The following MUC5B variants were observed in gnomAD, a reference collection of about 807,000 sequenced individuals.
MUC5B encodes mucin-5B.
A neutral mutation model predicts 376.9 loss-of-function variants in MUC5B; 116 were observed. The ratio of observed to expected loss-of-function variants is 0.31; its 90% CI spans 0.26 to 0.36. The LOEUF is 0.36. Among genes scored for constraint, MUC5B ranks in the 10% least tolerant of loss-of-function variants. MUC5B has a pLI of 1.00. For missense variants in MUC5B, 7,165 were observed against 7,769.9 expected (o/e 0.92, Z 2.93); for synonymous variants, 3,517 against 3,390.9 (o/e 1.04, Z -1.29).
At position 1,248,633 on chromosome 11, in the gene MUC5B, T is replaced by G. The variant is rs758690576; in HGVS notation, c.11753T>G (p.Val3918Gly). 2.0e-5 allele frequency: 32 copies of G among 1,611,118 alleles called. No individual in the cohort carries two copies. In the East Asian group the frequency reaches 2.9e-4, roughly 15 times the overall value. ...CCGGGGACCACCCACACCCCCACAG[T>G]GCTGACCACCACCACCACAACTGTG... ...SVPGTTHTPT[V>G]LTTTTTTVAT... The change falls in exon 31 of 49, where the codon GTG (valine) becomes GGG (glycine). Residue 3918 changes from valine to glycine, a missense_variant. Coordinates refer to ENST00000529681, the MANE Select transcript of MUC5B (RefSeq NM_002458.3).
At position 1,247,388 on chromosome 11, in the gene MUC5B, A is replaced by G. The variant is rs748237546; in HGVS notation, c.10508A>G (p.Gln3503Arg). The G allele has an allele frequency of 6.2e-7, 1 of 1,609,452 alleles. No homozygotes were observed. The highest frequency in any genetic ancestry group is 1.3e-5 in the African/African-American group (1 of 74,238). Residue 3503 changes from glutamine to arginine, a missense_variant, in exon 31 of 49, where the codon CAG becomes CGG. This residue lies in a region of MUC5B where 939 missense variants were observed against 770.6 expected (regional missense o/e 1.22). Coordinates refer to ENST00000529681, the MANE Select transcript of MUC5B (RefSeq NM_002458.3). Reference sequence around the variant, plus strand: ...CCAGCAGCAACCACCAGTACCACCCAGCACTCGACTCCAGCCCTGTCCAGC... The same window carrying G: ...CCAGCAGCAACCACCAGTACCACCCGGCACTCGACTCCAGCCCTGTCCAGC... ...HTPAATTSTT[Q>R]HSTPALSSPH...
rs758002481 is a variant in MUC5B, at chr11:1,241,746, C to T, written c.4866C>T (p.Thr1622=). The T allele has an allele frequency of 1.9e-5, 31 of 1,612,356 alleles. No individual in the cohort carries two copies. The South Asian group carries it at 3.2e-4, about 17-fold the overall frequency. Residue 1622 remains threonine (T), a synonymous_variant, in exon 31 of 49, where the codon ACC becomes ACT. Transcript: ENST00000529681. ...PTTELETATT[T]TTQALFSTPQ... ...CAGAGCTGGAGACGGCCACCACCAC[C>T]ACCACCCAGGCCCTGTTCTCAACGC...
At position 1,242,144 on chromosome 11, in the gene MUC5B, C is replaced by T. The variant is rs369056309; in HGVS notation, c.5264C>T (p.Thr1755Ile). Residue 1755 changes from threonine to isoleucine, a missense_variant, in exon 31 of 49, where the codon ACC (threonine) becomes ATC (isoleucine). Physicochemically the swap from Thr to Ile is moderately conservative, Grantham distance 89 (BLOSUM62 -1). Transcript: ENST00000529681. ...LAPTLTSELSTSQAETSTPRT... is the reference protein window; with the variant it reads ...LAPTLTSELSISQAETSTPRT... ...CCAACACTCACGAGCGAGCTGTCCA[C>T]CTCTCAGGCCGAGACCAGCACGCCC... 1.7e-5 allele frequency: 27 copies of T among 1,613,484 alleles called. No individual in the cohort carries two copies. Among genetic ancestry groups the T allele is most frequent in the Non-Finnish European group, 2.2e-5 (26 of 1,179,874 alleles).
chr11:1,260,530 G>A, intron 47 of MUC5B, 96 bp from the exon 48 acceptor site: 1 of 1,458,544 alleles, frequency 6.9e-7, no homozygotes, highest in Non-Finnish European at 9.5e-7. Flanking sequence ...GGAGGGCCAT[G>A]GGAGGGGTGG....
rs1242088325 is a variant in MUC5B, at chr11:1,231,411, C to T, written c.1541-12C>T. ...GCACCCCTGACCGGCCTCTCCCCCA[C>T]ACTCCCGGCAGCCAACATCACCCTG... On this transcript the variant is annotated splice_polypyrimidine_tract_variant and intron_variant, in intron 13 of 48. Coordinates refer to ENST00000529681, the MANE Select transcript of MUC5B (RefSeq NM_002458.3). The T allele has an allele frequency of 3.7e-6, 6 of 1,603,826 alleles. No individual in the cohort carries two copies. Among genetic ancestry groups the T allele is most frequent in the African/African-American group, 1.3e-5 (1 of 74,776 alleles).
intron 27 of MUC5B, 76 bp from the exon 28 acceptor site, chr11:1,239,723 T>C (rs1389311856): frequency 2.6e-6 from 4 of 1,517,384 alleles, no homozygotes; most frequent in East Asian, 2.4e-5. Context: ...GGGCGGCTAC[T>C]CCCTGCAGCA....
At position 1,245,540 on chromosome 11, in the gene MUC5B, T is replaced by C. The variant is rs1358924689; in HGVS notation, c.8660T>C (p.Met2887Thr). Residue 2887 changes from methionine to threonine, a missense_variant, in exon 31 of 49, where the codon ATG becomes ACG. Met to Thr is a moderately conservative substitution (Grantham distance 81, BLOSUM62 -1). This residue lies in a region of MUC5B where 57 missense variants were observed against 167.2 expected (regional missense o/e 0.34). Transcript: ENST00000529681. ...GAGTGGCTGGACTACAGCTACCCCA[T>C]GCCGGGGCCCTCTGGCGGGGACTTT... is the stretch of plus-strand genomic sequence containing the variant. Reference protein sequence around the residue: ...WSEWLDYSYPMPGPSGGDFDT... With the variant: ...WSEWLDYSYPTPGPSGGDFDT... The C allele has an allele frequency of 2.6e-6, 4 of 1,553,774 alleles. No individual in the cohort carries two copies. Among genetic ancestry groups the C allele is most frequent in the East Asian group, 2.3e-5 (1 of 43,042 alleles).
rs1862292875 is a variant in MUC5B at position 1,241,856 on chromosome 11, C to T, written c.4976C>T (p.Ser1659Phe). The T allele has an allele frequency of 2.5e-6, 4 of 1,613,348 alleles. No individual in the cohort carries two copies. Among genetic ancestry groups the T allele is most frequent in the Non-Finnish European group, 3.4e-6 (4 of 1,179,702 alleles). ...CCCACCCTCTCAGAAGGACTGACAT[C>T]CCCCAGATACACAAGCACCCTTGGT... ...AVPTLSEGLT[S>F]PRYTSTLGTA... The change falls in exon 31 of 49, where the codon TCC becomes TTC. Residue 1659 changes from serine to phenylalanine, a missense_variant. Coordinates refer to ENST00000529681, the MANE Select transcript of MUC5B (RefSeq NM_002458.3).
chr11:1,239,168 C>A, intron 26 of MUC5B, 141 bp downstream of exon 26: 1 of 1,121,630 alleles, frequency 8.9e-7, no homozygotes, highest in Non-Finnish European at 1.3e-6. Context: ...TGTGAGTGCA[C>A]AAGTTTCTAT....
chr11:1,239,646 A>G (rs547932721), intron 27 of MUC5B, 80 bp downstream of exon 27: 1 of 1,509,368 alleles, frequency 6.6e-7, no homozygotes, highest in Admixed American at 2.1e-5. Flanking sequence ...ATCCCCAGGG[A>G]CGCGGTGTAG....
intron 34 of MUC5B, 38 bp downstream of exon 34, chr11:1,254,389 T>A (rs1564951683): frequency 6.3e-7 from 1 of 1,590,998 alleles, no homozygotes; most frequent in African/African-American, 1.3e-5. Flanking sequence ...GTTGGCCCAG[T>A]CCCAACCGCA....
In MUC5B at chr11:1,228,683, G is replaced by A. The variant is rs549817778; in HGVS notation, c.894G>A (p.Pro298=). The change falls in exon 8 of 49, where the codon CCG becomes CCA. Residue 298 remains proline (P), a synonymous_variant. Transcript: ENST00000529681. The part of the protein sequence containing the change: ...AQDLCRCPTC[P]CATFVEYSRQ... ...ACCTGTGCCGCTGCCCCACCTGCCCGTGTGCCACCTTTGTGGAATACTCAC... is the reference window on the plus strand; with the variant it reads ...ACCTGTGCCGCTGCCCCACCTGCCCATGTGCCACCTTTGTGGAATACTCAC... 37 of 1,534,474 alleles carry A rather than the reference G, an allele frequency of 2.4e-5. No homozygotes were observed. Among genetic ancestry groups the A allele is most frequent in the African/African-American group, 9.6e-5 (7 of 73,090 alleles).
rs1337766248 is a variant in MUC5B, at chr11:1,230,944, G to T, written c.1479G>T (p.Arg493=). The change falls in exon 13 of 49, where the codon CGG becomes CGT. Residue 493 remains arginine (R), a synonymous_variant. Coordinates refer to ENST00000529681, the MANE Select transcript of MUC5B (RefSeq NM_002458.3). ...CCCGCCTCCTTCCGCAGGCCATCCG[G>T]GTCCAAGCGGACGGCGGCGTGTTCC... ...LSLDGGDTAI[R]VQADGGVFLN... 1 of 1,591,214 alleles carries T rather than the reference G, an allele frequency of 6.3e-7. No homozygotes were observed. The highest frequency in any genetic ancestry group is 1.7e-5 in the Admixed American group (1 of 57,594).
rs1162159012 is a variant in MUC5B at position 1,248,507 on chromosome 11, C to A, written c.11627C>A (p.Thr3876Asn). ...ACCACAACCACGGGCTTCACAGTCA[C>A]CCCCTCCTCCAGCCCAGGGACGGCA... The part of the protein sequence containing the change: ...PTTTTTGFTV[T>N]PSSSPGTART... The change falls in exon 31 of 49, where the codon ACC becomes AAC. Residue 3876 changes from threonine to asparagine, a missense_variant. Thr to Asn is a moderately conservative substitution (Grantham distance 65). This residue lies in a region of MUC5B where 242 missense variants were observed against 199.0 expected (regional missense o/e 1.22). Coordinates refer to ENST00000529681, the MANE Select transcript of MUC5B (RefSeq NM_002458.3). 3 of 1,612,518 alleles carry A rather than the reference C, an allele frequency of 1.9e-6. No individual in the cohort carries two copies. Among genetic ancestry groups the A allele is most frequent in the Non-Finnish European group, 2.5e-6 (3 of 1,179,154 alleles).
intron 34 of MUC5B, among the ~76,000 whole-genome samples, 156 bp downstream of exon 34, chr11:1,254,507 C>T (rs1257253818): frequency 2.0e-5 from 3 of 152,192 alleles, no homozygotes; most frequent in African/African-American, 7.2e-5. Flanking sequence ...CGCCTAAGGC[C>T]GAGCGCACCC....
chr11:1,255,658 T>A (rs1862822190), intron 37 of MUC5B, 100 bp downstream of exon 37: 2 of 188,548 alleles, frequency 1.1e-5, no homozygotes, highest in Non-Finnish European at 9.0e-6. Flanking sequence ...CCCCTCGGCC[T>A]CTCTGAGTGT....
chr11:1,247,685 G>C lies in MUC5B; in HGVS notation c.10805G>C (p.Arg3602Pro). ...GACTTTGACACCTACTCCAACATCC[G>C]TGCGGCCGGAGGGGCAGTCTGTGAG... ...GGDFDTYSNI[R>P]AAGGAVCEQP... Residue 3602 changes from arginine to proline, a missense_variant, in exon 31 of 49, where the codon CGT (arginine) becomes CCT (proline). Around this residue, in one of 31 missense-constraint regions of MUC5B, gnomAD observed 81 missense variants for 154.5 expected, o/e 0.52. Coordinates refer to ENST00000529681, the MANE Select transcript of MUC5B (RefSeq NM_002458.3). 1 of 1,588,376 alleles carries C rather than the reference G, an allele frequency of 6.3e-7. No individual in the cohort carries two copies.
intron 8 of MUC5B, 108 bp from the exon 9 acceptor site, chr11:1,229,062 C>T: frequency 7.5e-7 from 1 of 1,329,556 alleles, no homozygotes; most frequent in African/African-American, 1.5e-5. Context: ...CTAGCTCTGG[C>T]TTCTGTGGAC....
Position 1,229,305 on chromosome 11 carries a change from G to A in MUC5B, c.1102+10G>A. 1 of 1,561,940 alleles carries A rather than the reference G, an allele frequency of 6.4e-7. No individual in the cohort carries two copies. Among genetic ancestry groups the A allele is most frequent in the South Asian group, 1.2e-5 (1 of 85,242 alleles). On this transcript the variant is annotated intron_variant, in intron 9 of 48. Transcript: ENST00000529681. ...TGCTTCTGCCCCCCAGGCAGGTCTT[G>A]TGTGCCCTGAACCCCTCAGGGGGCT...
Sources: allele counts gnomAD v4.1 joint callset (sites outside exome capture counted in the v4.1 genomes callset), GRCh38; gene constraint gnomAD v4.1.1; regional missense constraint gnomAD v4.1.1; transcripts MANE v1.5; gene names NCBI Gene and HGNC (gene_info 2026-07-23, HGNC 2026-07-21).